Variants in FERMT2 observed in about 807,000 individuals in gnomAD.
FERMT2 encodes the protein FERM domain containing kindlin 2.
Under a neutral mutation model 82.7 loss-of-function variants are expected in FERMT2, and 15 were observed. That is an observed-to-expected ratio of 0.18 (90% CI 0.12 to 0.28). The LOEUF (loss-of-function observed/expected upper bound fraction) is 0.28, where lower values mean the gene tolerates loss of function less well. FERMT2 is among the 10% of genes least tolerant of loss of function. The probability of loss-of-function intolerance (pLI) is 1.00; values close to 1 mark genes in which losing one functional copy is unlikely to be tolerated. For missense variants in FERMT2, 645 were observed against 809.4 expected (o/e 0.80, Z 2.46); for synonymous variants, 274 against 271.5 (o/e 1.01, Z -0.09).
intron 10 of FERMT2, 32 bp from the exon 11 acceptor site, chr14:52,864,885 A>C: frequency 8.0e-7 from 1 of 1,242,862 alleles, no homozygotes; most frequent in East Asian, 2.3e-5. Flanking sequence ...AAAATGGCTA[A>C]ATTTACTTTT....
intron 4 of FERMT2, among the ~76,000 whole-genome samples, chr14:52,890,436 C>A (rs1360618532): frequency 2.1e-5 from 3 of 145,154 alleles, no homozygotes; most frequent in Non-Finnish European, 4.5e-5. Context: ...CAGAGTGACA[C>A]TCCGTCTGAA....
rs763018889 is a variant in FERMT2 at position 52,858,563 on chromosome 14, C to T, written c.1870-13G>A. The T allele has an allele frequency of 3.7e-6, 6 of 1,613,282 alleles. No individual in the cohort carries two copies. In the African/African-American group the frequency reaches 8.0e-5, roughly 22 times the overall value. On this transcript the variant is annotated splice_polypyrimidine_tract_variant and intron_variant, in intron 14 of 14. Coordinates refer to ENST00000341590, the MANE Select transcript of FERMT2 (RefSeq NM_006832.3). ...ACTCTACGGTGACCTGGAACAAAGACAAGAGCCATCAGTGCTGTCCCAAAT... is the reference window on the plus strand; with the variant it reads ...ACTCTACGGTGACCTGGAACAAAGATAAGAGCCATCAGTGCTGTCCCAAAT...
chr14:52,889,312 C>T (rs1886797531), intron 4 of FERMT2, among the ~76,000 whole-genome samples: 1 of 152,086 alleles, frequency 6.6e-6, no homozygotes, highest in Admixed American at 6.6e-5. Flanking sequence ...AAAGAGGCCA[C>T]AAATGTCCCT....
intron 3 of FERMT2, among the ~76,000 whole-genome samples, chr14:52,908,520 G>A (rs933071409): frequency 1.3e-5 from 2 of 152,180 alleles, no homozygotes; most frequent in Non-Finnish European, 2.9e-5. Flanking sequence ...ATGAAGGTCA[G>A]ACACATTATG....
chr14:52,919,297 G>A lies in FERMT2; in HGVS notation c.217C>T (p.Leu73=), dbSNP rs1156686008. The part of the protein sequence containing the change: ...LWWEKKRTWL[L]KTHWTLDKYG... ...TTATCTAAGGTCCAATGTGTCTTCA[G>A]AAGCCAAGTTCTCTTCTTTTCCCAC... The change falls in exon 3 of 15, where the codon CTG becomes TTG. Residue 73 remains leucine, a synonymous_variant. Transcript: ENST00000341590. 6 of 1,613,942 alleles carry A rather than the reference G, an allele frequency of 3.7e-6. No homozygotes were observed. In the African/African-American group the frequency reaches 6.7e-5, roughly 18 times the overall value.
At chr14:52,904,050 T>C (rs1206749273) in intron 3 of FERMT2, among the ~76,000 whole-genome samples, 1 of 152,172 alleles carries the variant, frequency 6.6e-6, no homozygotes, top group East Asian at 1.9e-4. Flanking sequence ...ATAAAAAAGA[T>C]ATATGACACT....
rs1213974645 is a variant in FERMT2, at chr14:52,858,461, G to A, written c.1959C>T (p.Tyr653=). Residue 653 remains tyrosine, a synonymous_variant, in exon 15 of 15, where the codon TAC becomes TAT. Coordinates refer to ENST00000341590, the MANE Select transcript of FERMT2 (RefSeq NM_006832.3). ...CTTTTGCACGTGTTGAGAGAAATAT[G>A]TAGCCACCAATGAATTCATGAACCA... ...CKVVHEFIGG[Y]IFLSTRAKDQ... The A allele has an allele frequency of 6.2e-7, 1 of 1,614,070 alleles. No individual in the cohort carries two copies. Among genetic ancestry groups the A allele is most frequent in the Non-Finnish European group, 8.5e-7 (1 of 1,179,968 alleles).
chr14:52,920,618 G>A (rs1193709156), intron 2 of FERMT2, among the ~76,000 whole-genome samples: 1 of 152,088 alleles, frequency 6.6e-6, no homozygotes, highest in Non-Finnish European at 1.5e-5. Context: ...GGGCAAGGGA[G>A]CGAGACTCTG....
intron 2 of FERMT2, among the ~76,000 whole-genome samples, chr14:52,920,014 G>A (rs997987592): frequency 2.6e-5 from 4 of 152,168 alleles, no homozygotes; most frequent in South Asian, 2.1e-4. Context: ...CTCTGAGCAC[G>A]TTTTGGTACA....
intron 6 of FERMT2, among the ~76,000 whole-genome samples, chr14:52,879,420 A>C (rs1233372405): frequency 6.6e-6 from 1 of 152,192 alleles, no homozygotes; most frequent in Non-Finnish European, 1.5e-5. Flanking sequence ...ATAAAAATCC[A>C]AAATGAGCAT....
chr14:52,902,885 AAAAAAAC>A lies in FERMT2; in HGVS notation c.392-9465_392-9459del, dbSNP rs768818060. Among the ~76,000 whole-genome samples the A allele has an allele frequency of 1.8e-3, 252 of 140,890 alleles. 23 individuals are homozygous for A. The East Asian group carries it at 0.046, about 26-fold the overall frequency. The allele number at this position is 140,890 out of a possible 152,430, so 92.4% of individuals were successfully genotyped here. ...CTCCGTCTCAAAAAAAAAAAAAAAAAAAAAAACCCCAAAACACTGAAAATTAAAATGT... is the reference window on the plus strand; with the variant it reads ...CTCCGTCTCAAAAAAAAAAAAAAAAACCCAAAACACTGAAAATTAAAATGT... On this transcript the variant is annotated intron_variant, in intron 3 of 14. Coordinates refer to ENST00000341590, the MANE Select transcript of FERMT2 (RefSeq NM_006832.3).
At position 52,919,426 on chromosome 14, in the gene FERMT2, A is replaced by G. The variant is rs566218561; in HGVS notation, c.158-70T>C. On this transcript the variant is annotated intron_variant, in intron 2 of 14. Transcript: ENST00000341590. ...GTGATTTTGAGAAATTAAAAGCAGA[A>G]AACTAGATAATTGGGTATTTAACAG... 4.4e-4 allele frequency: 484 copies of G among 1,111,572 alleles called. 1 individual carries two copies. Among genetic ancestry groups the G allele is most frequent in the Non-Finnish European group, 5.9e-4 (448 of 765,018 alleles). The allele number at this position is 1,111,572 out of a possible 1,614,324, so 68.9% of individuals were successfully genotyped here.
Position 52,858,310 on chromosome 14 carries a change from T to C in FERMT2, c.*67A>G. ...TTCAAGCTTACTTTATTAAGCAGCATATAACAAACAGCTTTTAAAGTTAAA... is the reference window on the plus strand; with the variant it reads ...TTCAAGCTTACTTTATTAAGCAGCACATAACAAACAGCTTTTAAAGTTAAA... On this transcript the variant is annotated 3_prime_UTR_variant, in exon 15 of 15. Transcript: ENST00000341590. The C allele has an allele frequency of 2.2e-6, 3 of 1,376,316 alleles. No individual in the cohort carries two copies. Among genetic ancestry groups the C allele is most frequent in the Middle Eastern group, 3.7e-4 (2 of 5,478 alleles). The allele number at this position is 1,376,316 out of a possible 1,614,324, so 85.3% of individuals were successfully genotyped here.
chr14:52,878,535 C>T (rs1217776090), intron 7 of FERMT2, 47 bp downstream of exon 7: 2 of 1,165,516 alleles, frequency 1.7e-6, no homozygotes, highest in Non-Finnish European at 2.5e-6. Context: ...AAAATACCTC[C>T]CTACCCTTTA....
At chr14:52,882,890 G>C (rs1886372635) in intron 4 of FERMT2, among the ~76,000 whole-genome samples, 1 of 151,972 alleles carries the variant, frequency 6.6e-6, no homozygotes, top group African/African-American at 2.4e-5. Context: ...TCCAATGTTA[G>C]TACTAAAAAA....
Position 52,906,636 on chromosome 14 carries a change from A to G in FERMT2, c.391+12487T>C, listed in dbSNP as rs1435568363. On this transcript the variant is annotated intron_variant, in intron 3 of 14. Coordinates refer to ENST00000341590, the MANE Select transcript of FERMT2 (RefSeq NM_006832.3). ...CATATGTTTAAGAAACTAGAGGAAA[A>G]CACACATAATAGAAAAATGAAAAAT... is the stretch of plus-strand genomic sequence containing the variant. 2.6e-5 allele frequency among the ~76,000 whole-genome samples: 4 copies of G among 152,156 alleles called. No individual in the cohort carries two copies. In the East Asian group the frequency reaches 7.7e-4, roughly 29 times the overall value.
At chr14:52,868,792 G>A (rs957729714) in intron 10 of FERMT2, among the ~76,000 whole-genome samples, 8 of 152,152 alleles carry the variant, frequency 5.3e-5, no homozygotes, top group Non-Finnish European at 1.2e-4. Flanking sequence ...GGAGATAAGC[G>A]TGTACAACAT....
intron 12 of FERMT2, chr14:52,863,311 T>C (rs186272025): frequency 3.3e-4 from 50 of 151,898 alleles, no homozygotes; most frequent in Non-Finnish European, 2.8e-4. Flanking sequence ...TACTTAAAGT[T>C]AAGGAATTAG....
chr14:52,899,808 T>G (rs1015483649), intron 3 of FERMT2, among the ~76,000 whole-genome samples: 1 of 152,232 alleles, frequency 6.6e-6, no homozygotes. Flanking sequence ...TAGGACTTAC[T>G]GATTTACTGT....
Sources: gnomAD v4.1 joint callset for allele counts (sites outside exome capture counted in the v4.1 genomes callset) on GRCh38, gnomAD v4.1.1 for gene constraint, MANE v1.5 for transcripts, NCBI Gene and HGNC (gene_info 2026-07-23, HGNC 2026-07-21) for gene names.